Variants in RUNDC3B observed in about 807,000 individuals in gnomAD.
The protein encoded by RUNDC3B is RUN domain-containing protein 3B.
Under a neutral mutation model 58.4 loss-of-function variants are expected in RUNDC3B, and 33 were observed. The ratio of observed to expected loss-of-function variants is 0.56; its 90% CI spans 0.43 to 0.75. RUNDC3B has a LOEUF of 0.75. Among genes scored for constraint, RUNDC3B ranks in the 30% least tolerant of loss-of-function variants. The probability of loss-of-function intolerance (pLI) is 0.00; values close to 1 mark genes in which losing one functional copy is unlikely to be tolerated. For synonymous variants in RUNDC3B, 193 were observed against 195.2 expected, an observed-to-expected ratio of 0.99 and a Z score of 0.10; for missense variants, 501 against 535.7, an observed-to-expected ratio of 0.94 and a Z score of 0.64.
At chr7:87,776,480 A>G (rs1834635151) in intron 7 of RUNDC3B, among the ~76,000 whole-genome samples, 1 of 152,144 alleles carries the variant, frequency 6.6e-6, no homozygotes, top group African/African-American at 2.4e-5. Flanking sequence ...GTTTAAGATG[A>G]CACATATTTG....
chr7:87,655,390 T>G (rs1433566193), intron 2 of RUNDC3B, among the ~76,000 whole-genome samples: 1 of 152,100 alleles, frequency 6.6e-6, no homozygotes, highest in African/African-American at 2.4e-5. Context: ...TATTCAGCCT[T>G]TAAGAGGAAG....
At chr7:87,716,413 T>G (rs1008820371) in intron 4 of RUNDC3B, among the ~76,000 whole-genome samples, 5 of 152,228 alleles carry the variant, frequency 3.3e-5, no homozygotes, top group African/African-American at 1.2e-4. Flanking sequence ...TCTGTTCTGT[T>G]TCTGAACTGT....
intron 1 of RUNDC3B, among the ~76,000 whole-genome samples, chr7:87,647,865 G>T (rs1354500664): frequency 3.3e-5 from 5 of 152,064 alleles, no homozygotes; most frequent in African/African-American, 1.2e-4. Context: ...TGGCCAACTT[G>T]CAGAGATGAA....
intron 4 of RUNDC3B, among the ~76,000 whole-genome samples, chr7:87,736,212 C>T (rs761759242): frequency 6.6e-6 from 1 of 152,114 alleles, no homozygotes; most frequent in Non-Finnish European, 1.5e-5. Context: ...GTTTATAAGA[C>T]AAGCTTTCTC....
intron 4 of RUNDC3B, among the ~76,000 whole-genome samples, chr7:87,715,724 T>C (rs1390863250): frequency 6.6e-6 from 1 of 151,560 alleles, no homozygotes; most frequent in African/African-American, 2.4e-5. Context: ...GAATAAACTG[T>C]AGAGGGCAAG....
At chr7:87,761,904 T>C (rs1833709342) in intron 6 of RUNDC3B, among the ~76,000 whole-genome samples, 1 of 151,774 alleles carries the variant, frequency 6.6e-6, no homozygotes, top group African/African-American at 2.4e-5. Flanking sequence ...TCTTTAACTA[T>C]ACATAAACAG....
intron 2 of RUNDC3B, 120 bp from the exon 3 acceptor site, chr7:87,700,300 TG>T (rs1267223859): frequency 1.4e-6 from 1 of 732,174 alleles, no homozygotes; most frequent in Non-Finnish European, 2.1e-6. Context: ...AGATTGGTGG[TG>T]CCCTTGCCAT....
intron 8 of RUNDC3B, among the ~76,000 whole-genome samples, chr7:87,793,477 A>G (rs576942134): frequency 1.3e-5 from 2 of 152,298 alleles, no homozygotes; most frequent in South Asian, 2.1e-4. Context: ...ATCATTCATC[A>G]TGACCAAGTG....
intron 9 of RUNDC3B, 30 bp from the exon 10 acceptor site, chr7:87,816,110 AT>A (rs747385180): frequency 1.3e-6 from 2 of 1,505,200 alleles, no homozygotes; most frequent in East Asian, 4.5e-5. Context: ...GTGAAAAGAA[AT>A]TCAAGTAGTA....
intron 6 of RUNDC3B, among the ~76,000 whole-genome samples, chr7:87,762,795 G>C (rs1301806963): frequency 6.6e-6 from 1 of 150,668 alleles, no homozygotes; most frequent in African/African-American, 2.4e-5. Context: ...TATACACCAA[G>C]AATTTATGAA....
intron 1 of RUNDC3B, among the ~76,000 whole-genome samples, chr7:87,634,451 G>T (rs1335330717): frequency 7.7e-6 from 1 of 129,370 alleles, no homozygotes; most frequent in East Asian, 2.6e-4. Flanking sequence ...GTGAAACCCC[G>T]TCTCTACTAA....
intron 1 of RUNDC3B, among the ~76,000 whole-genome samples, chr7:87,635,314 A>G (rs1821656231): frequency 6.6e-6 from 1 of 152,214 alleles, no homozygotes; most frequent in Non-Finnish European, 1.5e-5. Flanking sequence ...CATCATAAGA[A>G]GCAGTCACAG....
intron 8 of RUNDC3B, among the ~76,000 whole-genome samples, chr7:87,798,326 A>C (rs773504770): frequency 2.0e-5 from 3 of 152,152 alleles, no homozygotes; most frequent in Non-Finnish European, 4.4e-5. Flanking sequence ...TTGAATTGTC[A>C]TCTTCTGATC....
At chr7:87,720,774 G>C (rs1830836198) in intron 4 of RUNDC3B, among the ~76,000 whole-genome samples, 1 of 151,072 alleles carries the variant, frequency 6.6e-6, no homozygotes, top group Admixed American at 6.6e-5. Context: ...CTAATTTTTT[G>C]TATTTTTAGT....
chr7:87,665,217 G>A (rs1325608480), intron 2 of RUNDC3B, among the ~76,000 whole-genome samples: 1 of 151,958 alleles, frequency 6.6e-6, no homozygotes, highest in African/African-American at 2.4e-5. Flanking sequence ...CCAAAAAATG[G>A]TTAGAATTAA....
chr7:87,817,226 A>G (rs1454919614), intron 10 of RUNDC3B, among the ~76,000 whole-genome samples: 2 of 152,192 alleles, frequency 1.3e-5, no homozygotes, highest in African/African-American at 4.8e-5. Flanking sequence ...CAGCTCCCAT[A>G]TAAAACATGC....
intron 1 of RUNDC3B, among the ~76,000 whole-genome samples, chr7:87,649,904 G>T (rs990692599): frequency 2.6e-5 from 4 of 152,166 alleles, no homozygotes; most frequent in African/African-American, 9.7e-5. Context: ...GTGCTGCCAT[G>T]TAAGACAACC....
chr7:87,725,229 T>C (rs1563164612), intron 4 of RUNDC3B, among the ~76,000 whole-genome samples: 2 of 152,100 alleles, frequency 1.3e-5, no homozygotes, highest in Non-Finnish European at 2.9e-5. Flanking sequence ...TCCTAATGCT[T>C]TCCCTCCCCA....
rs866387267 is a variant in RUNDC3B at position 87,715,282 on chromosome 7, T to C, written c.458+4627T>C. On this transcript the variant is annotated intron_variant, in intron 4 of 10. Transcript: ENST00000394654. ...ATATAATTAATTTATAATAATTATA[T>C]ATAATTAATTTATAATAATTATATA... 8.8e-4 allele frequency among the ~76,000 whole-genome samples: 115 copies of C among 130,972 alleles called. 2 individuals carry two copies. Among genetic ancestry groups the C allele is most frequent in the Admixed American group, 5.1e-4 (6 of 11,666 alleles). The allele number at this position is 130,972 out of a possible 152,430, so 85.9% of individuals were successfully genotyped here.
Sources: gnomAD v4.1 joint callset for allele counts (sites outside exome capture counted in the v4.1 genomes callset) on GRCh38, gnomAD v4.1.1 for gene constraint, MANE v1.5 for transcripts, NCBI Gene and HGNC (gene_info 2026-07-23, HGNC 2026-07-21) for gene names.